The following PRKCI variants were observed in gnomAD, a reference collection of about 807,000 sequenced individuals.
PRKCI encodes the protein protein kinase C iota type.
In PRKCI, 43 loss-of-function variants were observed where a neutral mutation model predicts 84.0. The observed-to-expected ratio is 0.51, with a 90% CI of 0.40 to 0.66. The LOEUF is 0.66. PRKCI is among the 30% of genes least tolerant of loss of function. PRKCI has a pLI of 0.00. For synonymous variants in PRKCI, 216 were observed against 234.4 expected, an observed-to-expected ratio of 0.92 and a Z score of 0.72; for missense variants, 459 against 745.6, an observed-to-expected ratio of 0.62 and a Z score of 4.48.
intron 3 of PRKCI, among the ~76,000 whole-genome samples, chr3:170,261,010 G>T (rs536488205): frequency 2.0e-5 from 3 of 152,072 alleles, no homozygotes; most frequent in East Asian, 1.9e-4. Context: ...AGGCTGGAGT[G>T]CATTGGTGCA....
At chr3:170,292,343 G>A (rs1409075806) in intron 13 of PRKCI, among the ~76,000 whole-genome samples, 1 of 152,156 alleles carries the variant, frequency 6.6e-6, no homozygotes, top group Non-Finnish European at 1.5e-5. Flanking sequence ...GCACCCATGT[G>A]ACTCCAGAGT....
chr3:170,301,973 T>G (rs1486516093), intron 17 of PRKCI, among the ~76,000 whole-genome samples: 2 of 152,226 alleles, frequency 1.3e-5, no homozygotes, highest in Non-Finnish European at 2.9e-5. Flanking sequence ...TGATCAGTCT[T>G]AGCTACTCAC....
At chr3:170,223,037 GCA>G (rs1732534133) in intron 1 of PRKCI, among the ~76,000 whole-genome samples, 1 of 152,152 alleles carries the variant, frequency 6.6e-6, no homozygotes, top group Admixed American at 6.5e-5. Context: ...TAGAGTAGGT[GCA>G]CCTGGTGTGG....
At chr3:170,282,285 A>T (rs1416022004) in intron 11 of PRKCI, among the ~76,000 whole-genome samples, 1 of 152,226 alleles carries the variant, frequency 6.6e-6, no homozygotes, top group African/African-American at 2.4e-5. Context: ...TCTATGTAGC[A>T]TCAGCCATTT....
chr3:170,231,029 G>T (rs187924640), intron 1 of PRKCI, among the ~76,000 whole-genome samples: 1 of 140,192 alleles, frequency 7.1e-6, no homozygotes, highest in Non-Finnish European at 1.5e-5. Flanking sequence ...GCGTGATCTT[G>T]GCTCACTGCA....
intron 6 of PRKCI, 110 bp downstream of exon 6, chr3:170,270,671 G>T (rs1733980844): frequency 1.1e-5 from 14 of 1,303,994 alleles, no homozygotes; most frequent in Non-Finnish European, 1.3e-5. Context: ...GCACAACAGA[G>T]TAGCTACAGA....
chr3:170,258,397 C>T (rs1278928401), intron 2 of PRKCI, among the ~76,000 whole-genome samples: 1 of 151,870 alleles, frequency 6.6e-6, no homozygotes, highest in Non-Finnish European at 1.5e-5. Flanking sequence ...CCTCTGCTTC[C>T]TAGGTTCAAG....
chr3:170,232,786 C>G (rs1482547433), intron 1 of PRKCI, among the ~76,000 whole-genome samples: 1 of 152,086 alleles, frequency 6.6e-6, no homozygotes, highest in Admixed American at 6.6e-5. Context: ...GGTGATCCTC[C>G]CGCCTCAGCA....
chr3:170,294,698 T>C (rs1734650857), intron 14 of PRKCI, among the ~76,000 whole-genome samples: 1 of 152,208 alleles, frequency 6.6e-6, no homozygotes, highest in Non-Finnish European at 1.5e-5. Context: ...TCCTATGAAG[T>C]ATTTTTTTAT....
At chr3:170,262,570 T>C (rs931484078) in intron 3 of PRKCI, among the ~76,000 whole-genome samples, 27 of 152,174 alleles carry the variant, frequency 1.8e-4, no homozygotes, top group Admixed American at 4.6e-4. Flanking sequence ...AACCTTCGCC[T>C]CCCAGGTTCA....
intron 11 of PRKCI, among the ~76,000 whole-genome samples, chr3:170,282,699 A>G (rs1370909230): frequency 6.7e-6 from 1 of 150,310 alleles, no homozygotes; most frequent in African/African-American, 2.4e-5. Context: ...TCTGTCTCAA[A>G]AAAAAAAAAA....
chr3:170,278,686 A>C (rs1734175713), intron 8 of PRKCI, among the ~76,000 whole-genome samples: 2 of 152,244 alleles, frequency 1.3e-5, no homozygotes, highest in South Asian at 4.1e-4. Flanking sequence ...GAAGGAATAA[A>C]GGAATACCTA....
At position 170,281,202 on chromosome 3, in the gene PRKCI, G is replaced by C; in HGVS notation, c.919G>C (p.Glu307Gln). The change falls in exon 10 of 18, where the codon GAG becomes CAG. Residue 307 changes from glutamate to glutamine, a missense_variant. This residue lies in a region of PRKCI where 209 missense variants were observed against 425.9 expected (regional missense o/e 0.49). Coordinates refer to ENST00000295797, the MANE Select transcript of PRKCI (RefSeq NM_002740.6). ...GGTACAGACAGAGAAGCATGTGTTTGAGCAGGCATCCAATCATCCTTTCCT... is the reference window on the plus strand; with the variant it reads ...GGTACAGACAGAGAAGCATGTGTTTCAGCAGGCATCCAATCATCCTTTCCT... ...DWVQTEKHVF[E>Q]QASNHPFLVG... is the part of the protein sequence containing the mutation. 2 of 1,613,632 alleles carry C rather than the reference G, an allele frequency of 1.2e-6. No individual in the cohort carries two copies.
intron 12 of PRKCI, among the ~76,000 whole-genome samples, chr3:170,286,671 C>T (rs940506854): frequency 2.0e-5 from 3 of 151,594 alleles, no homozygotes; most frequent in South Asian, 4.2e-4. Context: ...TTCTTTGATC[C>T]GGTAATTCTG....
intron 8 of PRKCI, 154 bp from the exon 9 acceptor site, chr3:170,280,073 G>T: frequency 6.1e-6 from 4 of 652,854 alleles, no homozygotes; most frequent in Non-Finnish European, 9.4e-6. Context: ...AGATTATTTG[G>T]TTTGGAATGA....
intron 12 of PRKCI, 192 bp from the exon 13 acceptor site, chr3:170,291,652 GTGCCACTGCA>G (rs1560185197): frequency 2.1e-6 from 1 of 468,112 alleles, no homozygotes; most frequent in African/African-American, 2.0e-5. Flanking sequence ...AGCTGAGATC[GTGCCACTGCA>G]TGCCAGCCTG....
chr3:170,256,383 C>T (rs1733583493), intron 2 of PRKCI, among the ~76,000 whole-genome samples: 1 of 152,138 alleles, frequency 6.6e-6, no homozygotes, highest in Admixed American at 6.6e-5. Flanking sequence ...TGGATTTCTT[C>T]ATGGTTCAAT....
At chr3:170,271,046 A>G (rs1733992519) in intron 6 of PRKCI, among the ~76,000 whole-genome samples, 1 of 152,162 alleles carries the variant, frequency 6.6e-6, no homozygotes, top group Admixed American at 6.5e-5. Flanking sequence ...TTATCGAAAA[A>G]AATACAGAAT....
intron 2 of PRKCI, among the ~76,000 whole-genome samples, chr3:170,245,953 T>TTTTTGTTTGTTTGTTTGTTTG (rs1214926723): frequency 2.5e-5 from 3 of 119,928 alleles, no homozygotes; most frequent in Non-Finnish European, 3.5e-5. Flanking sequence ...GTCTTTGTTT[T>TTTTTGTTTGTTTGTTTGTTTG]TTTTTTTTTT....
Sources: allele counts gnomAD v4.1 joint callset (sites outside exome capture counted in the v4.1 genomes callset), GRCh38; gene constraint gnomAD v4.1.1; regional missense constraint gnomAD v4.1.1; transcripts MANE v1.5; gene names NCBI Gene and HGNC (gene_info 2026-07-23, HGNC 2026-07-21).